The following INTU variants were observed in gnomAD, a reference collection of about 807,000 sequenced individuals.
INTU encodes the protein protein inturned.
INTU carries 68 observed loss-of-function variants against 100.5 expected under a neutral mutation model. The ratio of observed to expected loss-of-function variants is 0.68; its 90% CI spans 0.56 to 0.83. INTU has a LOEUF of 0.83. Among genes scored for constraint, INTU ranks in the 40% least tolerant of loss-of-function variants. The pLI, the probability that INTU is intolerant of heterozygous loss-of-function variation, is 0.00. For missense variants in INTU, 1,071 were observed against 1,114.7 expected, an observed-to-expected ratio of 0.96 and a Z score of 0.56; for synonymous variants, 357 against 395.7, an observed-to-expected ratio of 0.90 and a Z score of 1.16.
chr4:127,652,948 G>C (rs1727968437), intron 2 of INTU, among the ~76,000 whole-genome samples: 1 of 147,036 alleles, frequency 6.8e-6, no homozygotes, highest in Non-Finnish European at 1.5e-5. Context: ...GTTTAGTCTT[G>C]GGAGAGTGTA....
intron 5 of INTU, among the ~76,000 whole-genome samples, chr4:127,671,312 A>G (rs1728916321): frequency 6.6e-6 from 1 of 152,168 alleles, no homozygotes. Flanking sequence ...AAGGACATGA[A>G]CAGACATTTT....
At chr4:127,663,301 C>A (rs1435059506) in intron 3 of INTU, 80 bp from the exon 4 acceptor site, 11 of 990,750 alleles carry the variant, frequency 1.1e-5, no homozygotes, top group African/African-American at 1.6e-5. Flanking sequence ...GGTGTATGTA[C>A]ATGCACAGAT....
rs1455047891 is a variant in INTU, at chr4:127,723,421, T to C, written c.*6985T>C. On this transcript the variant is annotated 3_prime_UTR_variant, in exon 16 of 16. Coordinates refer to ENST00000335251, the MANE Select transcript of INTU (RefSeq NM_015693.4). ...TTTTTTTTTGCCTCTTGCATGTTGG[T>C]CACCTCCTAAATTAGTAATGTCCAA... 8 of 148,036 alleles carry C rather than the reference T, an allele frequency of 5.4e-5. No homozygotes were observed. The highest frequency in any genetic ancestry group is 5.9e-5 in the Non-Finnish European group (4 of 67,314). The allele number at this position is 148,036 out of a possible 1,614,324, so 9.2% of individuals were successfully genotyped here. A position where few individuals can be genotyped will look rare whatever the true frequency, so the allele number is the denominator to read the frequency against.
intron 2 of INTU, among the ~76,000 whole-genome samples, chr4:127,646,123 G>C (rs1325425145): frequency 6.6e-6 from 1 of 150,460 alleles, no homozygotes. Flanking sequence ...GGCAGAGGTT[G>C]CAATGAGCCA....
chr4:127,665,583 G>T lies in INTU; in HGVS notation c.972+1999G>T, dbSNP rs1450392878. 2.6e-5 allele frequency among the ~76,000 whole-genome samples: 4 copies of T among 152,084 alleles called. No homozygotes were observed. In the East Asian group the frequency reaches 7.7e-4, roughly 29 times the overall value. ...ACTTGCTATAACAAACAATCCTAAT[G>T]TCTCAGTGGCTTAACATGATGAAAG... On this transcript the variant is annotated intron_variant, in intron 4 of 15. Coordinates refer to ENST00000335251, the MANE Select transcript of INTU (RefSeq NM_015693.4).
chr4:127,707,520 C>T (rs1003777199), intron 12 of INTU, among the ~76,000 whole-genome samples: 1 of 151,876 alleles, frequency 6.6e-6, no homozygotes, highest in Non-Finnish European at 1.5e-5. Context: ...TCATCTCTTC[C>T]CTATTTGCAA....
At position 127,699,481 on chromosome 4, in the gene INTU, C is replaced by A. The variant is rs574911808; in HGVS notation, c.1450-529C>A. Reference sequence around the variant, plus strand: ...AATCTAGGAATAAAGATTGACAACCCTTGAATGCAAAACGTTGTGTCCAGG... The same window carrying A: ...AATCTAGGAATAAAGATTGACAACCATTGAATGCAAAACGTTGTGTCCAGG... On this transcript the variant is annotated intron_variant, in intron 8 of 15. Transcript: ENST00000335251. The A allele has an allele frequency of 2.0e-5, 3 of 152,186 alleles. No individual in the cohort carries two copies. The South Asian group carries it at 6.2e-4, about 32-fold the overall frequency. The allele number at this position is 152,186 out of a possible 1,614,324, so 9.4% of individuals were successfully genotyped here.
Position 127,663,589 on chromosome 4 carries a change from G to C in INTU, c.972+5G>C. 1 of 1,611,472 alleles carries C rather than the reference G, an allele frequency of 6.2e-7. No homozygotes were observed. The highest frequency in any genetic ancestry group is 8.5e-7 in the Non-Finnish European group (1 of 1,178,360). On this transcript the variant is annotated splice_donor_5th_base_variant and intron_variant, in intron 4 of 15. Coordinates refer to ENST00000335251, the MANE Select transcript of INTU (RefSeq NM_015693.4). ...TCAGAAACCTCAAAGGAAGAGGTGA[G>C]TGTCCTCAAAAGTCCAAAGGAAATA...
At chr4:127,675,063 A>G (rs1729113811) in intron 6 of INTU, among the ~76,000 whole-genome samples, 1 of 152,248 alleles carries the variant, frequency 6.6e-6, no homozygotes, top group Non-Finnish European at 1.5e-5. Flanking sequence ...CTAAAGAGAT[A>G]GACTTAACTA....
chr4:127,645,714 C>G (rs1245359361), intron 2 of INTU, among the ~76,000 whole-genome samples: 2 of 151,974 alleles, frequency 1.3e-5, no homozygotes, highest in African/African-American at 4.8e-5. Flanking sequence ...GCACCCACCA[C>G]CATGCCTGAC....
chr4:127,678,266 C>A (rs1217507096), intron 6 of INTU, among the ~76,000 whole-genome samples: 1 of 152,048 alleles, frequency 6.6e-6, no homozygotes, highest in Non-Finnish European at 1.5e-5. Flanking sequence ...CAAAGATACT[C>A]CTCGAGAAGA....
intron 10 of INTU, among the ~76,000 whole-genome samples, chr4:127,704,986 G>A (rs1024503721): frequency 1.3e-5 from 2 of 152,066 alleles, no homozygotes; most frequent in African/African-American, 4.8e-5. Context: ...CAGCTACTCA[G>A]GAGGCTGAGG....
In INTU at chr4:127,663,544, A is replaced by G. The variant is rs758759703; in HGVS notation, c.932A>G (p.Tyr311Cys). The G allele has an allele frequency of 5.0e-6, 8 of 1,613,402 alleles. No homozygotes were observed. The highest frequency in any genetic ancestry group is 1.7e-5 in the Admixed American group (1 of 59,924). The stretch of plus-strand genomic sequence containing the variant: ...CTAAACACTCCTCATATCATTATGT[A>G]TCTCACACTACAGCTCGACTCAGAA... ...SGLNTPHIIM[Y>C]LTLQLDSETS... The change falls in exon 4 of 16, where the codon TAT becomes TGT. Residue 311 changes from tyrosine (Y) to cysteine (C), a missense_variant. By Grantham distance (194) the Tyr-to-Cys change is radical. Transcript: ENST00000335251.
At chr4:127,682,669 A>C (rs1445951315) in intron 6 of INTU, among the ~76,000 whole-genome samples, 2 of 151,642 alleles carry the variant, frequency 1.3e-5, no homozygotes, top group African/African-American at 4.8e-5. Context: ...TGGGTGCAGC[A>C]CACCAGCATG....
intron 1 of INTU, among the ~76,000 whole-genome samples, chr4:127,640,542 CATATATATATAT>C (rs869116277): frequency 0.23 from 12,309 of 53,532 alleles, 1,592 homozygotes; most frequent in Middle Eastern, 0.31. Flanking sequence ...GGTAAAGATA[CATATATATATAT>C]ATATATATAT....
intron 10 of INTU, 34 bp from the exon 11 acceptor site, chr4:127,705,557 T>C (rs762450231): frequency 1.3e-6 from 2 of 1,484,534 alleles, no homozygotes; most frequent in Non-Finnish European, 1.9e-6. Flanking sequence ...TTTATATCAC[T>C]GGTAGACTTT....
intron 8 of INTU, among the ~76,000 whole-genome samples, chr4:127,690,956 C>T (rs1173299641): frequency 6.6e-6 from 1 of 152,102 alleles, no homozygotes; most frequent in Non-Finnish European, 1.5e-5. Flanking sequence ...TAGTATCATA[C>T]AGAGTAGTTT....
At chr4:127,689,131 C>CACCACCATGCCT (rs1327601126) in intron 8 of INTU, among the ~76,000 whole-genome samples, 1 of 151,456 alleles carries the variant, frequency 6.6e-6, no homozygotes, top group Non-Finnish European at 1.5e-5. Context: ...TACACATGCA[C>CACCACCATGCCT]ACCACCATGC....
At chr4:127,685,496 A>G (rs1318279085) in intron 7 of INTU, 2 of 455,462 alleles carry the variant, frequency 4.4e-6, no homozygotes, top group African/African-American at 4.0e-5. Context: ...TCTAGTTTGC[A>G]GTGTTCTCTA....
Sources: allele counts gnomAD v4.1 joint callset (sites outside exome capture counted in the v4.1 genomes callset), GRCh38; gene constraint gnomAD v4.1.1; transcripts MANE v1.5; gene names NCBI Gene and HGNC (gene_info 2026-07-23, HGNC 2026-07-21).